The following AGTPBP1 variants were observed in gnomAD, a reference collection of about 807,000 sequenced individuals.
AGTPBP1 encodes cytosolic carboxypeptidase 1.
A neutral mutation model predicts 143.9 loss-of-function variants in AGTPBP1; 70 were observed. That is an observed-to-expected ratio of 0.49 (90% CI 0.40 to 0.59). The LOEUF is 0.59. AGTPBP1 is among the 20% of genes least tolerant of loss of function. AGTPBP1 has a pLI of 0.00. For synonymous variants in AGTPBP1, 463 were observed against 500.2 expected (o/e 0.93, Z 0.99); for missense variants, 1,229 against 1,464.5 (o/e 0.84, Z 2.62).
chr9:85,620,443 G>GTT (rs961913688), intron 15 of AGTPBP1, among the ~76,000 whole-genome samples: 2 of 148,790 alleles, frequency 1.3e-5, no homozygotes, highest in African/African-American at 4.9e-5. Context: ...AAAAAAAGGT[G>GTT]TTTTTTTCCT....
chr9:85,605,824 G>A (rs1362279894), intron 17 of AGTPBP1, among the ~76,000 whole-genome samples: 1 of 151,910 alleles, frequency 6.6e-6, no homozygotes, highest in East Asian at 1.9e-4. Context: ...AATCCATGTT[G>A]TCATCAGTTT....
chr9:85,741,448 G>A (rs1824267797), intron 1 of AGTPBP1: 9 of 985,300 alleles, frequency 9.1e-6, no homozygotes, highest in Non-Finnish European at 1.1e-5. Flanking sequence ...AGAAAGGGCT[G>A]AGCAGAAAGG....
At chr9:85,772,263 C>T in the AGTPBP1 span, among the ~76,000 whole-genome samples, 12 of 152,276 alleles carry the variant, frequency 7.9e-5, no homozygotes, top group Admixed American at 2.6e-4. Flanking sequence ...TGTGAGCCAC[C>T]GTGCCTGGCC....
At chr9:85,636,149 T>G (rs780412625) in intron 13 of AGTPBP1, among the ~76,000 whole-genome samples, 1 of 151,582 alleles carries the variant, frequency 6.6e-6, no homozygotes, top group Middle Eastern at 3.2e-3. Flanking sequence ...CATTAGATAT[T>G]GAAAAAGACC....
chr9:85,626,283 T>C (rs2133621717), intron 14 of AGTPBP1, among the ~76,000 whole-genome samples: 1 of 152,316 alleles, frequency 6.6e-6, no homozygotes, highest in African/African-American at 2.4e-5. Context: ...TATACTGAAC[T>C]TTCTTTAAAA....
chr9:85,599,158 A>G (rs10868331), intron 17 of AGTPBP1, among the ~76,000 whole-genome samples: 43,662 of 145,922 alleles, frequency 0.3, 9,772 homozygotes, highest in African/African-American at 0.62. Flanking sequence ...CACACACAGT[A>G]GGGAGCAGGT....
intron 19 of AGTPBP1, among the ~76,000 whole-genome samples, chr9:85,590,204 T>A (rs984784827): frequency 6.6e-6 from 1 of 151,940 alleles, no homozygotes; most frequent in Non-Finnish European, 1.5e-5. Flanking sequence ...AGCAAAAAAA[T>A]TACAAAGAAA....
chr9:85,571,044 C>T (rs906470309), intron 25 of AGTPBP1, among the ~76,000 whole-genome samples: 58 of 152,088 alleles, frequency 3.8e-4, no homozygotes, highest in African/African-American at 1.3e-3. Flanking sequence ...TCACTGTGAA[C>T]TCAGAATTTT....
chr9:85,618,941 A>G, intron 17 of AGTPBP1, 42 bp downstream of exon 17: 1 of 1,561,486 alleles, frequency 6.4e-7, no homozygotes. Context: ...CACAGTTAAG[A>G]TGCCTGCATG....
chr9:85,791,474 T>G, the AGTPBP1 span: 1 of 152,164 alleles, frequency 6.6e-6, no homozygotes, highest in Non-Finnish European at 1.5e-5. Context: ...ATCATAGGCA[T>G]GTACTTACTT....
chr9:85,722,485 G>A (rs117928774), intron 1 of AGTPBP1, among the ~76,000 whole-genome samples: 13 of 152,214 alleles, frequency 8.5e-5, no homozygotes, highest in African/African-American at 1.4e-4. Context: ...TTGTGCATGC[G>A]TCACGAGGTT....
chr9:85,560,088 C>G (rs545413578), intron 25 of AGTPBP1, among the ~76,000 whole-genome samples: 1 of 152,080 alleles, frequency 6.6e-6, no homozygotes, highest in South Asian at 2.1e-4. Flanking sequence ...CCACCAGTAT[C>G]AAAAGCAAAC....
intron 25 of AGTPBP1, among the ~76,000 whole-genome samples, chr9:85,560,986 C>A (rs142243703): frequency 1.3e-5 from 2 of 152,056 alleles, no homozygotes; most frequent in African/African-American, 4.8e-5. Flanking sequence ...ACTTTGGGAA[C>A]CCCAAGCAAA....
intron 1 of AGTPBP1, among the ~76,000 whole-genome samples, chr9:85,729,195 C>T (rs1180298742): frequency 6.6e-6 from 1 of 152,078 alleles, no homozygotes; most frequent in Non-Finnish European, 1.5e-5. Flanking sequence ...AACTTGATAT[C>T]CACATGCCAA....
At chr9:85,783,715 G>T in the AGTPBP1 span, among the ~76,000 whole-genome samples, 45 of 152,010 alleles carry the variant, frequency 3.0e-4, no homozygotes, top group East Asian at 8.5e-3. Context: ...GCTCACTGCA[G>T]CCTCTACCTC....
At position 85,649,551 on chromosome 9, in the gene AGTPBP1, G is replaced by A. The variant is rs140640251; in HGVS notation, c.1088-3133C>T. On this transcript the variant is annotated intron_variant, in intron 11 of 25. Transcript: ENST00000357081. ...GATAAATTTATCTCACTCTTTTAAC[G>A]GTTAAGACCTTTCTTTTCCCTATCT... 3.6e-3 allele frequency among the ~76,000 whole-genome samples: 551 copies of A among 152,058 alleles called. 2 individuals are homozygous for A. The highest frequency in any genetic ancestry group is 6.9e-3 in the Admixed American group (106 of 15,264).
chr9:85,638,213 G>C (rs1564091471), intron 13 of AGTPBP1, among the ~76,000 whole-genome samples: 1 of 152,230 alleles, frequency 6.6e-6, no homozygotes, highest in South Asian at 2.1e-4. Flanking sequence ...AAAGAGGAAA[G>C]AAAGGTCCTG....
chr9:85,719,154 T>A (rs557093498), intron 1 of AGTPBP1, among the ~76,000 whole-genome samples: 1,661 of 152,228 alleles, frequency 0.011, 28 homozygotes, highest in African/African-American at 0.037. Flanking sequence ...CTATGCGGGC[T>A]TTTTGGTTCC....
At chr9:85,609,346 A>G (rs1830176902) in intron 17 of AGTPBP1, among the ~76,000 whole-genome samples, 1 of 147,676 alleles carries the variant, frequency 6.8e-6, no homozygotes, top group South Asian at 2.1e-4. Context: ...GCTGGAGTGC[A>G]ATGGCATGAT....
Sources: gnomAD v4.1 joint callset for allele counts (sites outside exome capture counted in the v4.1 genomes callset) on GRCh38, gnomAD v4.1.1 for gene constraint, MANE v1.5 for transcripts, NCBI Gene and HGNC (gene_info 2026-07-23, HGNC 2026-07-21) for gene names.